OPCML: variants seen among roughly 807,000 people sequenced by gnomAD.
OPCML encodes opioid binding protein/cell adhesion molecule like.
Under a neutral mutation model 37.8 loss-of-function variants are expected in OPCML, and 13 were observed. The ratio of observed to expected loss-of-function variants is 0.34; its 90% CI spans 0.22 to 0.55. The LOEUF is 0.55. Among genes scored for constraint, OPCML ranks in the 20% least tolerant of loss-of-function variants. The pLI is 0.91. For missense variants in OPCML, 341 were observed against 435.6 expected, an observed-to-expected ratio of 0.78 and a Z score of 1.93; for synonymous variants, 176 against 168.8, an observed-to-expected ratio of 1.04 and a Z score of -0.33.
chr11:133,071,424 TTTTATG>T (rs1948531878), intron 1 of OPCML, among the ~76,000 whole-genome samples: 1 of 152,182 alleles, frequency 6.6e-6, no homozygotes, highest in African/African-American at 2.4e-5. Flanking sequence ...TTGAGTGGTT[TTTTATG>T]TTTGAGACAT....
chr11:132,798,154 T>C (rs1313777943), intron 2 of OPCML, among the ~76,000 whole-genome samples: 1 of 152,212 alleles, frequency 6.6e-6, no homozygotes, highest in Non-Finnish European at 1.5e-5. Flanking sequence ...CACCGCAACC[T>C]CCGCCTCAGG....
intron 1 of OPCML, among the ~76,000 whole-genome samples, chr11:133,145,685 G>T (rs1435654313): frequency 1.3e-5 from 2 of 152,222 alleles, no homozygotes; most frequent in African/African-American, 4.8e-5. Flanking sequence ...AAGAAAGAGC[G>T]TGGAGGTAGG....
chr11:132,547,368 A>G (rs564413950), intron 3 of OPCML, among the ~76,000 whole-genome samples: 1 of 152,266 alleles, frequency 6.6e-6, no homozygotes, highest in South Asian at 2.1e-4. Flanking sequence ...ATCAAGAGTA[A>G]ATGGCATGCA....
intron 1 of OPCML, among the ~76,000 whole-genome samples, chr11:133,121,949 T>C (rs1299378477): frequency 1.3e-5 from 2 of 152,204 alleles, no homozygotes; most frequent in Non-Finnish European, 2.9e-5. Context: ...TTTTTGGCCC[T>C]TAAAAGTTAC....
chr11:133,098,006 A>G (rs1261736202), intron 1 of OPCML, among the ~76,000 whole-genome samples: 2 of 152,132 alleles, frequency 1.3e-5, no homozygotes, highest in Admixed American at 1.3e-4. Context: ...AACTCTTAAT[A>G]CTTCATCATT....
chr11:133,284,464 C>CA (rs1207744889), intron 1 of OPCML, among the ~76,000 whole-genome samples: 4 of 151,826 alleles, frequency 2.6e-5, no homozygotes, highest in African/African-American at 7.3e-5. Context: ...CAATCAACAA[C>CA]AAAAAAACGA....
At chr11:132,587,052 T>G (rs572844613) in intron 3 of OPCML, among the ~76,000 whole-genome samples, 1 of 152,318 alleles carries the variant, frequency 6.6e-6, no homozygotes, top group African/African-American at 2.4e-5. Flanking sequence ...AGATCCAGAA[T>G]AGAAAGCTGC....
intron 1 of OPCML, among the ~76,000 whole-genome samples, chr11:133,426,095 A>G (rs1340910682): frequency 6.6e-6 from 1 of 152,152 alleles, no homozygotes; most frequent in Admixed American, 6.5e-5. Context: ...TTTCCATAGT[A>G]TAGATTCTGT....
intron 1 of OPCML, among the ~76,000 whole-genome samples, chr11:133,073,382 G>T (rs954463452): frequency 2.0e-5 from 3 of 152,250 alleles, no homozygotes; most frequent in African/African-American, 7.2e-5. Flanking sequence ...GCTGGGAATG[G>T]TGGATTTCCA....
At chr11:133,143,412 A>G (rs1949853634) in intron 1 of OPCML, among the ~76,000 whole-genome samples, 1 of 152,164 alleles carries the variant, frequency 6.6e-6, no homozygotes, top group Non-Finnish European at 1.5e-5. Context: ...AACATGACCT[A>G]GAAACATCAG....
intron 1 of OPCML, among the ~76,000 whole-genome samples, chr11:133,337,535 G>T (rs886513387): frequency 7.2e-5 from 11 of 152,312 alleles, no homozygotes; most frequent in African/African-American, 2.6e-4. Flanking sequence ...ATCTGGGGAA[G>T]TCAGCAACCA....
chr11:132,866,674 T>C (rs529475903), intron 2 of OPCML, among the ~76,000 whole-genome samples: 1 of 152,366 alleles, frequency 6.6e-6, no homozygotes, highest in South Asian at 2.1e-4. Flanking sequence ...ATGACGAATA[T>C]TTGCATAACA....
intron 1 of OPCML, among the ~76,000 whole-genome samples, chr11:133,343,109 A>G (rs186744092): frequency 6.6e-6 from 1 of 152,298 alleles, no homozygotes; most frequent in East Asian, 1.9e-4. Context: ...GATTACAGGC[A>G]TGAGCCACTG....
intron 1 of OPCML, among the ~76,000 whole-genome samples, chr11:133,424,970 A>G (rs570695179): frequency 7.4e-4 from 112 of 152,356 alleles, no homozygotes; most frequent in African/African-American, 2.5e-3. Context: ...ACTCTTCATT[A>G]ACATGACATG....
intron 1 of OPCML, among the ~76,000 whole-genome samples, chr11:133,410,405 T>C (rs1182609503): frequency 6.6e-6 from 1 of 151,806 alleles, no homozygotes; most frequent in Non-Finnish European, 1.5e-5. Flanking sequence ...ACATCTGTGG[T>C]TGTTGGGAGG....
intron 1 of OPCML, among the ~76,000 whole-genome samples, chr11:133,339,889 A>G (rs750126608): frequency 6.6e-6 from 1 of 152,214 alleles, no homozygotes; most frequent in Non-Finnish European, 1.5e-5. Context: ...TCAGCATAGT[A>G]CATGGCTCCT....
chr11:132,975,712 A>C (rs1175726154), intron 1 of OPCML, among the ~76,000 whole-genome samples: 1 of 151,994 alleles, frequency 6.6e-6, no homozygotes, highest in Non-Finnish European at 1.5e-5. Flanking sequence ...TGCACTCTGC[A>C]TCCCCTATGC....
At chr11:132,464,206 T>C (rs544172240) in intron 4 of OPCML, among the ~76,000 whole-genome samples, 8 of 152,214 alleles carry the variant, frequency 5.3e-5, no homozygotes, top group Non-Finnish European at 1.2e-4. Flanking sequence ...AAAGTGCTTG[T>C]GTCCCCATCT....
intron 3 of OPCML, among the ~76,000 whole-genome samples, chr11:132,598,744 T>C (rs1051381921): frequency 2.0e-5 from 3 of 152,230 alleles, no homozygotes; most frequent in Non-Finnish European, 4.4e-5. Flanking sequence ...CCTTTATACA[T>C]TGAAATTTGA....
Sources: allele counts gnomAD v4.1 joint callset (sites outside exome capture counted in the v4.1 genomes callset), GRCh38; gene constraint gnomAD v4.1.1; transcripts MANE v1.5; gene names NCBI Gene and HGNC (gene_info 2026-07-23, HGNC 2026-07-21).